Variants in TCF12 observed in about 807,000 individuals in gnomAD.
TCF12 encodes the protein transcription factor 12, also known as DNA-binding protein HTF4.
Under a neutral mutation model 86.0 loss-of-function variants are expected in TCF12, and 45 were observed. That is an observed-to-expected ratio of 0.52 (90% CI 0.41 to 0.67). The LOEUF (loss-of-function observed/expected upper bound fraction) is 0.67. TCF12 is among the 30% of genes least tolerant of loss of function. The probability of loss-of-function intolerance (pLI) is 0.00; values close to 1 mark genes in which losing one functional copy is unlikely to be tolerated. For synonymous variants in TCF12, 330 were observed against 299.6 expected (o/e 1.10, Z -1.05); for missense variants, 881 against 859.9 (o/e 1.02, Z -0.31).
Position 56,920,487 on chromosome 15 carries a change from C to CGT in TCF12, c.76-518_76-517dup, listed in dbSNP as rs71113033. 4.9e-3 allele frequency among the ~76,000 whole-genome samples: 721 copies of CGT among 146,952 alleles called. 6 individuals carry two copies. The highest frequency in any genetic ancestry group is 0.021 in the Admixed American group (313 of 14,830). On this transcript the variant is annotated intron_variant, in intron 2 of 20. Coordinates refer to ENST00000333725, the MANE Select transcript of TCF12 (RefSeq NM_207037.2). ...TACTTTTATTTTATACACACACACA[C>CGT]GTGTGTGTGTGTGTGTGTGTGTATT...
At chr15:56,943,863 T>A (rs28496039) in intron 3 of TCF12, among the ~76,000 whole-genome samples, 1 of 152,156 alleles carries the variant, frequency 6.6e-6, no homozygotes, top group Non-Finnish European at 1.5e-5. Context: ...GGGGAGCTTT[T>A]AAAAAATTAT....
intron 8 of TCF12, among the ~76,000 whole-genome samples, chr15:57,212,346 C>G (rs190792267): frequency 1.2e-4 from 19 of 152,228 alleles, no homozygotes; most frequent in African/African-American, 4.6e-4. Context: ...TACAGTGGCA[C>G]AATCATAGCT....
chr15:57,206,046 C>A (rs996755208), intron 8 of TCF12, among the ~76,000 whole-genome samples: 11 of 152,282 alleles, frequency 7.2e-5, no homozygotes, highest in Middle Eastern at 3.4e-3. Context: ...CTGGTAAGAT[C>A]TTAGAGACTT....
At chr15:57,124,545 A>G in intron 5 of TCF12, among the ~76,000 whole-genome samples, 1 of 152,172 alleles carries the variant, frequency 6.6e-6, no homozygotes, top group East Asian at 1.9e-4. Flanking sequence ...TAACAGCTAC[A>G]TTCTTCTACA....
chr15:57,012,045 T>C (rs149201187), intron 3 of TCF12, among the ~76,000 whole-genome samples: 1 of 152,312 alleles, frequency 6.6e-6, no homozygotes, highest in East Asian at 1.9e-4. Context: ...ATTCTGCTAT[T>C]AAATTTCAGG....
intron 5 of TCF12, among the ~76,000 whole-genome samples, chr15:57,164,200 C>G (rs1457681946): frequency 6.6e-6 from 1 of 152,194 alleles, no homozygotes; most frequent in African/African-American, 2.4e-5. Context: ...CGCTGTGAGA[C>G]TTAACCTCCA....
chr15:56,961,650 A>T (rs1441643336), intron 3 of TCF12, among the ~76,000 whole-genome samples: 1 of 152,224 alleles, frequency 6.6e-6, no homozygotes, highest in South Asian at 2.1e-4. Context: ...ACTGCTGGTC[A>T]TTACCAATTA....
intron 5 of TCF12, among the ~76,000 whole-genome samples, chr15:57,158,605 A>G (rs1452296948): frequency 6.6e-6 from 1 of 152,198 alleles, no homozygotes; most frequent in Non-Finnish European, 1.5e-5. Flanking sequence ...AGCTGCTTAC[A>G]GTTCTGATGC....
intron 3 of TCF12, among the ~76,000 whole-genome samples, chr15:56,924,233 G>GT (rs2059910604): frequency 6.6e-6 from 1 of 151,980 alleles, no homozygotes; most frequent in African/African-American, 2.4e-5. Flanking sequence ...AATTAGTACA[G>GT]TATCACAACT....
At chr15:57,143,358 T>C (rs2053128096) in intron 5 of TCF12, among the ~76,000 whole-genome samples, 1 of 152,126 alleles carries the variant, frequency 6.6e-6, no homozygotes, top group Non-Finnish European at 1.5e-5. Context: ...CCGAAGTATT[T>C]TGTGGGTGGT....
At chr15:57,023,222 G>A (rs752311021) in intron 3 of TCF12, among the ~76,000 whole-genome samples, 6 of 152,096 alleles carry the variant, frequency 3.9e-5, no homozygotes, top group Non-Finnish European at 7.4e-5. Flanking sequence ...TTTAAGTATG[G>A]AGTTTGATTT....
At chr15:57,185,134 T>C (rs1486124954) in intron 6 of TCF12, among the ~76,000 whole-genome samples, 3 of 152,228 alleles carry the variant, frequency 2.0e-5, no homozygotes, top group Admixed American at 6.5e-5. Context: ...TTGTCTTCTC[T>C]CTACTTTCCT....
At chr15:57,227,337 G>A in intron 8 of TCF12, among the ~76,000 whole-genome samples, 1 of 152,128 alleles carries the variant, frequency 6.6e-6, no homozygotes, top group Non-Finnish European at 1.5e-5. Context: ...ACAGTGCACA[G>A]CTCCAGCCTC....
chr15:57,047,891 T>C (rs1191615619), intron 3 of TCF12, among the ~76,000 whole-genome samples: 1 of 152,232 alleles, frequency 6.6e-6, no homozygotes, highest in African/African-American at 2.4e-5. Flanking sequence ...TAAGGTTGTA[T>C]GGCATAGCCT....
Position 56,984,609 on chromosome 15 carries a change from A to G in TCF12, c.148+63511A>G, listed in dbSNP as rs77320889. ...ACAGTATAGTTTAAACTGCTGTTTT[A>G]CTAATTCTTCTGGAGTGAGAAACAT... On this transcript the variant is annotated intron_variant, in intron 3 of 20. Transcript: ENST00000333725. 3.7e-3 allele frequency among the ~76,000 whole-genome samples: 568 copies of G among 152,298 alleles called. 17 individuals are homozygous for G. In the East Asian group the frequency reaches 0.074, roughly 20 times the overall value.
chr15:57,035,305 C>T (rs1596236346), intron 3 of TCF12, among the ~76,000 whole-genome samples: 1 of 152,222 alleles, frequency 6.6e-6, no homozygotes, highest in East Asian at 1.9e-4. Flanking sequence ...GCTCTGTCAC[C>T]CATTCTGGAG....
At chr15:56,987,583 G>A (rs1021652593) in intron 3 of TCF12, among the ~76,000 whole-genome samples, 2 of 152,122 alleles carry the variant, frequency 1.3e-5, no homozygotes, top group Non-Finnish European at 2.9e-5. Flanking sequence ...TCATTGTTAG[G>A]TAACTATGGA....
At chr15:56,958,332 A>G (rs1330072946) in intron 3 of TCF12, among the ~76,000 whole-genome samples, 1 of 152,098 alleles carries the variant, frequency 6.6e-6, no homozygotes, top group Non-Finnish European at 1.5e-5. Context: ...TCCCTTAGAG[A>G]TGACTGTCCT....
intron 3 of TCF12, among the ~76,000 whole-genome samples, chr15:56,941,040 T>A (rs145150559): frequency 6.7e-6 from 1 of 150,362 alleles, no homozygotes; most frequent in East Asian, 2.0e-4. Context: ...GGATTACATA[T>A]GTGAGCCACC....
Sources: allele counts gnomAD v4.1 joint callset (sites outside exome capture counted in the v4.1 genomes callset), GRCh38; gene constraint gnomAD v4.1.1; transcripts MANE v1.5; gene names NCBI Gene and HGNC (gene_info 2026-07-23, HGNC 2026-07-21).